Variants in GALNTL6 observed in about 807,000 individuals in gnomAD.
GALNTL6 encodes polypeptide N-acetylgalactosaminyltransferase-like 6.
A neutral mutation model predicts 73.7 loss-of-function variants in GALNTL6; 46 were observed. The ratio of observed to expected loss-of-function variants is 0.62; its 90% CI spans 0.49 to 0.80. The LOEUF (loss-of-function observed/expected upper bound fraction) is 0.80. Among genes scored for constraint, GALNTL6 ranks in the 30% least tolerant of loss-of-function variants. The pLI is 0.00. For missense variants in GALNTL6, 604 were observed against 755.0 expected, an observed-to-expected ratio of 0.80 and a Z score of 2.34; for synonymous variants, 259 against 263.7, an observed-to-expected ratio of 0.98 and a Z score of 0.17.
chr4:171,919,887 C>T (rs970233145), intron 2 of GALNTL6, among the ~76,000 whole-genome samples: 1 of 152,010 alleles, frequency 6.6e-6, no homozygotes, highest in Non-Finnish European at 1.5e-5. Flanking sequence ...TACCATTTGA[C>T]CCAGCAATCC....
At chr4:172,167,965 C>CAA (rs70941387) in intron 2 of GALNTL6, among the ~76,000 whole-genome samples, 82 of 113,878 alleles carry the variant, frequency 7.2e-4, no homozygotes, top group Non-Finnish European at 1.1e-3. Flanking sequence ...GACTCCGTCT[C>CAA]AAAAAAAAAA....
At chr4:172,178,733 C>T (rs1735132819) in intron 2 of GALNTL6, among the ~76,000 whole-genome samples, 1 of 136,154 alleles carries the variant, frequency 7.3e-6, no homozygotes, top group African/African-American at 2.8e-5. Context: ...TATACATGTG[C>T]CATGCTGGTG....
In GALNTL6 at chr4:172,426,915, CTTATAT is replaced by C. The variant is rs762162374; in HGVS notation, c.553+78227_553+78232del. Among the ~76,000 whole-genome samples, 281 of 34,264 alleles carry C rather than the reference CTTATAT, an allele frequency of 8.2e-3. 3 individuals carry two copies. Among genetic ancestry groups the C allele is most frequent in the Non-Finnish European group, 2.0e-3 (32 of 15,880 alleles). 22.5% of individuals were successfully genotyped at this position (34,264 alleles called of 152,430 possible). On this transcript the variant is annotated intron_variant, in intron 5 of 12. Transcript: ENST00000506823. ...TCTAGCCAATTCTTATGTAAGGACT[CTTATAT>C]ATATATATATATATATCCAAATACA...
chr4:172,831,825 G>A (rs1742656223), intron 7 of GALNTL6, among the ~76,000 whole-genome samples: 1 of 152,186 alleles, frequency 6.6e-6, no homozygotes, highest in Admixed American at 6.5e-5. Flanking sequence ...AGAGACCAGA[G>A]TTCACCTTCT....
chr4:172,587,587 G>A (rs141099613), intron 5 of GALNTL6, among the ~76,000 whole-genome samples: 32 of 152,188 alleles, frequency 2.1e-4, no homozygotes, highest in East Asian at 1.2e-3. Flanking sequence ...AATATGCACC[G>A]TACACTCAAA....
In GALNTL6 at chr4:172,380,063, C is replaced by T. The variant is rs1743223078; in HGVS notation, c.553+31374C>T. 3.1e-6 allele frequency: 3 copies of T among 964,894 alleles called. No individual in the cohort carries two copies. In the East Asian group the frequency reaches 7.2e-5, roughly 23 times the overall value. The allele number at this position is 964,894 out of a possible 1,614,324, so 59.8% of individuals were successfully genotyped here. ...TTCATGGCATATAGCCTAGTCCCTGCTCTAGCTGTTTATATGGCTTGGGCT... is the reference window on the plus strand; with the variant it reads ...TTCATGGCATATAGCCTAGTCCCTGTTCTAGCTGTTTATATGGCTTGGGCT... On this transcript the variant is annotated intron_variant, in intron 5 of 12. Coordinates refer to ENST00000506823, the MANE Select transcript of GALNTL6 (RefSeq NM_001034845.3).
intron 2 of GALNTL6, among the ~76,000 whole-genome samples, chr4:171,874,384 T>C (rs1370103675): frequency 6.6e-6 from 1 of 152,084 alleles, no homozygotes; most frequent in African/African-American, 2.4e-5. Flanking sequence ...GAGACAGGGT[T>C]TCACAATGTT....
intron 2 of GALNTL6, among the ~76,000 whole-genome samples, chr4:172,095,006 T>C (rs1343799472): frequency 2.8e-5 from 4 of 143,938 alleles, no homozygotes; most frequent in Admixed American, 2.0e-4. Flanking sequence ...TTTTATGTTT[T>C]CAAAAAAAAA....
At chr4:172,685,057 C>A (rs1732839155) in intron 5 of GALNTL6, among the ~76,000 whole-genome samples, 1 of 152,022 alleles carries the variant, frequency 6.6e-6, no homozygotes, top group South Asian at 2.1e-4. Context: ...TGGCCTTGCA[C>A]ATATTAAGCA....
At chr4:172,546,034 GTATA>G (rs1216560246) in intron 5 of GALNTL6, among the ~76,000 whole-genome samples, 1 of 152,122 alleles carries the variant, frequency 6.6e-6, no homozygotes, top group African/African-American at 2.4e-5. Context: ...AAATACATGT[GTATA>G]TATAAATATG....
chr4:172,787,492 A>C (rs532862753), intron 5 of GALNTL6, among the ~76,000 whole-genome samples: 1 of 152,340 alleles, frequency 6.6e-6, no homozygotes, highest in African/African-American at 2.4e-5. Context: ...AAAAGCTTTG[A>C]GAAAGCCTGG....
At chr4:172,711,316 T>G (rs1444184640) in intron 5 of GALNTL6, among the ~76,000 whole-genome samples, 1 of 152,078 alleles carries the variant, frequency 6.6e-6, no homozygotes, top group African/African-American at 2.4e-5. Context: ...TGTAAACGTA[T>G]AGAGATTACT....
intron 5 of GALNTL6, among the ~76,000 whole-genome samples, chr4:172,397,236 T>G (rs552027272): frequency 7.9e-5 from 12 of 152,346 alleles, no homozygotes; most frequent in African/African-American, 2.9e-4. Context: ...GGGGTATTAA[T>G]GCTAATTCTT....
intron 5 of GALNTL6, among the ~76,000 whole-genome samples, chr4:172,629,370 A>T (rs953421099): frequency 4.6e-5 from 7 of 152,220 alleles, no homozygotes; most frequent in Non-Finnish European, 8.8e-5. Context: ...TGTTAGTCTT[A>T]TAATGCTTTA....
intron 5 of GALNTL6, among the ~76,000 whole-genome samples, chr4:172,779,420 G>C (rs956443779): frequency 4.6e-5 from 7 of 152,268 alleles, no homozygotes; most frequent in Admixed American, 2.0e-4. Context: ...TCGGCAGGGA[G>C]GGGTTCTGCC....
intron 4 of GALNTL6, among the ~76,000 whole-genome samples, chr4:172,346,643 C>T (rs1741749836): frequency 6.6e-6 from 1 of 152,130 alleles, no homozygotes; most frequent in African/African-American, 2.4e-5. Context: ...CTTTCTGTAT[C>T]TCTCATTATA....
intron 4 of GALNTL6, among the ~76,000 whole-genome samples, chr4:172,331,486 G>A (rs1195421703): frequency 6.6e-6 from 1 of 152,092 alleles, no homozygotes; most frequent in Non-Finnish European, 1.5e-5. Context: ...TCTCTAGAAC[G>A]TATTGATTTT....
At chr4:172,599,054 T>C (rs964597275) in intron 5 of GALNTL6, among the ~76,000 whole-genome samples, 1 of 152,164 alleles carries the variant, frequency 6.6e-6, no homozygotes, top group Non-Finnish European at 1.5e-5. Context: ...TCAGCTGCAG[T>C]ACATTCCTAG....
At chr4:172,516,340 AC>A (rs1399309758) in intron 5 of GALNTL6, among the ~76,000 whole-genome samples, 1 of 152,182 alleles carries the variant, frequency 6.6e-6, no homozygotes, top group Non-Finnish European at 1.5e-5. Context: ...TGCAGCATTG[AC>A]CCAAGAAATT....
Sources: allele counts gnomAD v4.1 joint callset (sites outside exome capture counted in the v4.1 genomes callset), GRCh38; gene constraint gnomAD v4.1.1; transcripts MANE v1.5; gene names NCBI Gene and HGNC (gene_info 2026-07-23, HGNC 2026-07-21).